The following SPDYE16 variants were observed in gnomAD, a reference collection of about 807,000 sequenced individuals.
SPDYE16 encodes speedy protein E16.
Under a neutral mutation model 40.1 loss-of-function variants are expected in SPDYE16, and 5 were observed. The observed-to-expected ratio is 0.12, with a 90% CI of 0.07 to 0.26. The LOEUF is 0.26. Ranked by LOEUF, SPDYE16 falls within the 10% of genes least tolerant of loss-of-function variation. SPDYE16 has a pLI of 1.00. For synonymous variants in SPDYE16, 40 were observed against 154.2 expected (o/e 0.26, Z 5.49); for missense variants, 98 against 409.8 (o/e 0.24, Z 6.57).
intron 8 of SPDYE16, chr7:76,533,145 AC>A (rs1247081437): frequency 1.6e-6 from 1 of 632,176 alleles, no homozygotes; most frequent in Non-Finnish European, 1.9e-6. Context: ...TAAACTTGTA[AC>A]CATGCTAGAT....
chr7:76,538,366 T>C (rs3972806), intron 4 of SPDYE16, among the ~76,000 whole-genome samples: 1 of 143,892 alleles, frequency 6.9e-6, no homozygotes, highest in Non-Finnish European at 1.5e-5. Flanking sequence ...GCACCTGGCC[T>C]GAAACCAAGC....
At chr7:76,542,154 G>C (rs201145410) in intron 1 of SPDYE16, among the ~76,000 whole-genome samples, 7,910 of 143,136 alleles carry the variant, frequency 0.055, no homozygotes, top group African/African-American at 0.15. Flanking sequence ...AGTCACATCA[G>C]AGCACTCAGT....
Position 76,543,284 on chromosome 7 carries a change from G to C in SPDYE16, c.-530C>G, listed in dbSNP as rs1434628687. ...AGAGGAAGCAGATCCCATTGCTGTGGAAGTCCCATTGTTAGGAAGCTCTGC... is the reference window on the plus strand; with the variant it reads ...AGAGGAAGCAGATCCCATTGCTGTGCAAGTCCCATTGTTAGGAAGCTCTGC... On this transcript the variant is annotated 5_prime_UTR_variant, in exon 1 of 9. Coordinates refer to ENST00000633306, the MANE Select transcript of SPDYE16 (RefSeq NM_001394943.1). 6.7e-6 allele frequency among the ~76,000 whole-genome samples: 1 copy of C among 150,106 alleles called. No individual in the cohort carries two copies. Among genetic ancestry groups the C allele is most frequent in the African/African-American group, 2.4e-5 (1 of 41,048 alleles).
At position 76,541,553 on chromosome 7, in the gene SPDYE16, T is replaced by C. The variant is rs1813185269; in HGVS notation, c.-94A>G. 1 of 1,513,786 alleles carries C rather than the reference T, an allele frequency of 6.6e-7. No individual in the cohort carries two copies. Among genetic ancestry groups the C allele is most frequent in the African/African-American group, 1.4e-5 (1 of 71,426 alleles). The allele number at this position is 1,513,786 out of a possible 1,614,324, so 93.8% of individuals were successfully genotyped here. A position where few individuals can be genotyped will look rare whatever the true frequency, so the allele number is the denominator to read the frequency against. On this transcript the variant is annotated 5_prime_UTR_variant, in exon 2 of 9. Transcript: ENST00000633306. ...GGAGTGGAGAACAGCTCTGAGAAGA[T>C]ACTGTTGTCCAACTGATCTCCAGGC...
intron 3 of SPDYE16, among the ~76,000 whole-genome samples, chr7:76,539,488 T>C: frequency 1.3e-5 from 1 of 74,806 alleles, no homozygotes; most frequent in Non-Finnish European, 2.3e-5. Flanking sequence ...AGCGTCTCAC[T>C]CTCTCACCCA....
At chr7:76,534,559 C>T (rs1334453509) in intron 6 of SPDYE16, among the ~76,000 whole-genome samples, 2 of 98,552 alleles carry the variant, frequency 2.0e-5, no homozygotes. Context: ...AGTTGGAGAC[C>T]AGCCTGGTCA....
chr7:76,533,328 A>G (rs1812960490), intron 8 of SPDYE16: 2 of 650,934 alleles, frequency 3.1e-6, no homozygotes, highest in Admixed American at 6.1e-5. Flanking sequence ...TGCGTCAGTC[A>G]TAATGAACCT....
Position 76,541,394 on chromosome 7 carries a change from A to G in SPDYE16, c.66T>C (p.Arg22=), listed in dbSNP as rs1052579688. The change falls in exon 2 of 9, where the codon CGT becomes CGC. Residue 22 remains arginine, a synonymous_variant. Transcript: ENST00000633306. ...TCTGCTCATTCTGGGGGTGAGGTTG[A>G]CGGCTGGTCGTGATCTTTCCCTTAA... ...GQIKGKITTS[R]QPHPQNEQSP... is the part of the protein sequence containing the mutation. 2.6e-5 allele frequency: 40 copies of G among 1,534,524 alleles called. No individual in the cohort carries two copies. Among genetic ancestry groups the G allele is most frequent in the Non-Finnish European group, 3.4e-5 (39 of 1,146,554 alleles).
chr7:76,541,380 T>C lies in SPDYE16; in HGVS notation c.80A>G (p.Gln27Arg). Residue 27 changes from glutamine (Q) to arginine (R), a missense_variant, in exon 2 of 9, where the codon CAG (glutamine) becomes CGG (arginine). Transcript: ENST00000633306. The part of the protein sequence containing the change: ...KITTSRQPHP[Q>R]NEQSPQRSTS... ...GCTCCGCTGGGGACTCTGCTCATTCTGGGGGTGAGGTTGACGGCTGGTCGT... is the reference window on the plus strand; with the variant it reads ...GCTCCGCTGGGGACTCTGCTCATTCCGGGGGTGAGGTTGACGGCTGGTCGT... The C allele has an allele frequency of 1.3e-6, 2 of 1,534,768 alleles. No individual in the cohort carries two copies. Among genetic ancestry groups the C allele is most frequent in the Non-Finnish European group, 1.7e-6 (2 of 1,146,598 alleles).
In SPDYE16 at chr7:76,531,763, C is replaced by CA. The variant is rs1164891450; in HGVS notation, c.*1076dup. ...CAGCTTTATAGAAACAGCATCTATT[C>CA]AAAAATACCAGTATTTCCAAAATAT... On this transcript the variant is annotated 3_prime_UTR_variant, in exon 9 of 9. Coordinates refer to ENST00000633306, the MANE Select transcript of SPDYE16 (RefSeq NM_001394943.1). 1.1e-4 allele frequency: 9 copies of CA among 80,658 alleles called. 4 individuals carry two copies. The highest frequency in any genetic ancestry group is 4.1e-4 in the African/African-American group (6 of 14,596). 5.0% of individuals were successfully genotyped at this position (80,658 alleles called of 1,614,324 possible).
In SPDYE16 at chr7:76,533,536, A is replaced by C. The variant is rs1313029724; in HGVS notation, c.*45+113T>G. 7.7e-6 allele frequency: 7 copies of C among 908,686 alleles called. 2 individuals are homozygous for C. Among genetic ancestry groups the C allele is most frequent in the Non-Finnish European group, 8.6e-6 (6 of 696,052 alleles). The allele number at this position is 908,686 out of a possible 1,614,324, so 56.3% of individuals were successfully genotyped here. On this transcript the variant is annotated intron_variant, in intron 8 of 8. Coordinates refer to ENST00000633306, the MANE Select transcript of SPDYE16 (RefSeq NM_001394943.1). Reference sequence around the variant, plus strand: ...GGCTAATTTTTGTATTTTTGTGGAGAGGGGAATCTCGCCACGTTGCCCAGG... The same window carrying C: ...GGCTAATTTTTGTATTTTTGTGGAGCGGGGAATCTCGCCACGTTGCCCAGG...
At chr7:76,533,159 G>A (rs1812956703) in intron 8 of SPDYE16, 1 of 625,550 alleles carries the variant, frequency 1.6e-6, no homozygotes, top group Admixed American at 8.0e-5. Context: ...TGCTAGATGT[G>A]TTTCTAATGT....
In SPDYE16 at chr7:76,533,945, C is replaced by G; in HGVS notation, c.930G>C (p.Gln310His). ...AACAGAAGAACTGGAACCGAAGTTT[C>G]TGGAACAGGGCTATCTGAGAGCGGT... ...RKNRSQIALFQKLRFQFFCSM... is the reference protein window; with the variant it reads ...RKNRSQIALFHKLRFQFFCSM... The change falls in exon 7 of 9, where the codon CAG becomes CAC. Residue 310 changes from glutamine to histidine, a missense_variant. Physicochemically the swap from Gln to His is conservative, Grantham distance 24. Transcript: ENST00000633306. 1 of 1,350,064 alleles carries G rather than the reference C, an allele frequency of 7.4e-7. No individual in the cohort carries two copies. The highest frequency in any genetic ancestry group is 1.0e-6 in the Non-Finnish European group (1 of 1,004,676). 83.6% of individuals were successfully genotyped at this position (1,350,064 alleles called of 1,614,324 possible). A position where few individuals can be genotyped will look rare whatever the true frequency, so the allele number is the denominator to read the frequency against.
intron 6 of SPDYE16, among the ~76,000 whole-genome samples, chr7:76,534,845 G>A (rs1219960533): frequency 3.2e-5 from 4 of 123,888 alleles, no homozygotes; most frequent in South Asian, 3.1e-4. Context: ...TGGGAGGATC[G>A]CTTGAGCCCA....
chr7:76,532,350 G>T lies in SPDYE16; in HGVS notation c.*490C>A, dbSNP rs1316009375. 2.1e-5 allele frequency: 2 copies of T among 97,270 alleles called. No homozygotes were observed. Among genetic ancestry groups the T allele is most frequent in the South Asian group, 4.1e-4 (2 of 4,868 alleles). The allele number at this position is 97,270 out of a possible 1,614,324, so 6.0% of individuals were successfully genotyped here. A position where few individuals can be genotyped will look rare whatever the true frequency, so the allele number is the denominator to read the frequency against. On this transcript the variant is annotated 3_prime_UTR_variant, in exon 9 of 9. Transcript: ENST00000633306. ...TTTCCAAACAAACCAATAAAATGCA[G>T]AGTGTGCATGAAGCTATCTGTTACA...
rs1813179177 is a variant in SPDYE16, at chr7:76,541,359, C to T, written c.101G>A (p.Arg34Gln). The change falls in exon 2 of 9, where the codon CGG (arginine) becomes CAG (glutamine). Residue 34 changes from arginine to glutamine, a missense_variant. Arg to Gln is a conservative substitution (Grantham distance 43). Transcript: ENST00000633306. ...CTGGAGGGAGTACCCCGAGGTGCTC[C>T]GCTGGGGACTCTGCTCATTCTGGGG... is the stretch of plus-strand genomic sequence containing the variant. ...PHPQNEQSPQ[R>Q]STSGYSLQEV... The T allele has an allele frequency of 1.2e-5, 19 of 1,534,716 alleles. No individual in the cohort carries two copies. Among genetic ancestry groups the T allele is most frequent in the Admixed American group, 5.9e-5 (3 of 50,948 alleles).
rs543377456 is a variant in SPDYE16, at chr7:76,541,418, A to T, written c.42T>A (p.Ile14=). The T allele has an allele frequency of 2.9e-5, 44 of 1,534,498 alleles. No individual in the cohort carries two copies. The Admixed American group carries it at 7.7e-4, about 27-fold the overall frequency. The change falls in exon 2 of 9, where the codon ATT becomes ATA. Residue 14 remains isoleucine, a synonymous_variant. Coordinates refer to ENST00000633306, the MANE Select transcript of SPDYE16 (RefSeq NM_001394943.1). ...GACGGCTGGTCGTGATCTTTCCCTTAATCTGTCCCCTCTTACGGAACCTAG... is the reference window on the plus strand; with the variant it reads ...GACGGCTGGTCGTGATCTTTCCCTTTATCTGTCCCCTCTTACGGAACCTAG... ...TETRFRKRGQ[I]KGKITTSRQP... is the part of the protein sequence containing the mutation.
Position 76,541,323 on chromosome 7 carries a change from T to C in SPDYE16, c.137A>G (p.Asp46Gly), listed in dbSNP as rs1813177428. The C allele has an allele frequency of 6.5e-7, 1 of 1,534,726 alleles. No homozygotes were observed. The highest frequency in any genetic ancestry group is 8.7e-7 in the Non-Finnish European group (1 of 1,146,626). ...TSGYSLQEVVDDEVLGSSAPG... is the reference protein window; with the variant it reads ...TSGYSLQEVVGDEVLGSSAPG... Reference sequence around the variant, plus strand: ...ACCTGATGATCCCAACACTTCATCATCCACCACCTCCTGGAGGGAGTACCC... The same window carrying C: ...ACCTGATGATCCCAACACTTCATCACCCACCACCTCCTGGAGGGAGTACCC... Residue 46 changes from aspartate to glycine, a missense_variant, in exon 2 of 9, where the codon GAT (aspartate) becomes GGT (glycine). Asp to Gly is a moderately conservative substitution (Grantham distance 94). Transcript: ENST00000633306.
rs575864596 is a variant in SPDYE16, at chr7:76,541,226, G to C, written c.160+74C>G. The stretch of plus-strand genomic sequence containing the variant: ...CCCAAAGTGCTGGGGTTACAGGCGT[G>C]AGCCACCGCACCTGGCCCCCTTCCT... On this transcript the variant is annotated intron_variant, in intron 2 of 8. Coordinates refer to ENST00000633306, the MANE Select transcript of SPDYE16 (RefSeq NM_001394943.1). 16 of 1,483,978 alleles carry C rather than the reference G, an allele frequency of 1.1e-5. No homozygotes were observed. In the East Asian group the frequency reaches 3.2e-4, roughly 30 times the overall value. The allele number at this position is 1,483,978 out of a possible 1,614,324, so 91.9% of individuals were successfully genotyped here. A position where few individuals can be genotyped will look rare whatever the true frequency, so the allele number is the denominator to read the frequency against.
Sources: gnomAD v4.1 joint callset for allele counts (sites outside exome capture counted in the v4.1 genomes callset) on GRCh38, gnomAD v4.1.1 for gene constraint, MANE v1.5 for transcripts, NCBI Gene and HGNC (gene_info 2026-07-23, HGNC 2026-07-21) for gene names.